The following WDR91 variants were observed in gnomAD, a reference collection of about 807,000 sequenced individuals.
The protein encoded by WDR91 is WD repeat domain 91.
In WDR91, 52 loss-of-function variants were observed where a neutral mutation model predicts 88.4. The ratio of observed to expected loss-of-function variants is 0.59; its 90% CI spans 0.47 to 0.74. The LOEUF is 0.74. Among genes scored for constraint, WDR91 ranks in the 30% least tolerant of loss-of-function variants. The probability of loss-of-function intolerance (pLI) is 0.00; values close to 1 mark genes in which losing one functional copy is unlikely to be tolerated. For synonymous variants in WDR91, 362 were observed against 389.5 expected, an observed-to-expected ratio of 0.93 and a Z score of 0.83; for missense variants, 824 against 954.5, an observed-to-expected ratio of 0.86 and a Z score of 1.80.
At chr7:135,205,057 G>A (rs1475575817) in intron 5 of WDR91, among the ~76,000 whole-genome samples, 3 of 152,158 alleles carry the variant, frequency 2.0e-5, no homozygotes, top group African/African-American at 4.8e-5. Flanking sequence ...GGTTTGCATC[G>A]TGACTCACCA....
chr7:135,192,793 C>A (rs1442450672), intron 11 of WDR91, among the ~76,000 whole-genome samples: 1 of 152,192 alleles, frequency 6.6e-6, no homozygotes, highest in East Asian at 1.9e-4. Context: ...GCAGCTGCAG[C>A]ATCTATTACT....
Position 135,204,314 on chromosome 7 carries a change from G to A in WDR91, c.845C>T (p.Pro282Leu). Residue 282 changes from proline (P) to leucine (L), a missense_variant, in exon 6 of 15, where the codon CCT (proline) becomes CTT (leucine). By Grantham distance (98) the Pro-to-Leu change is moderately conservative (BLOSUM62 -3). Coordinates refer to ENST00000354475, the MANE Select transcript of WDR91 (RefSeq NM_014149.4). ...SPSRLSPAQG[P>L]PQPQSSAKKE... The stretch of plus-strand genomic sequence containing the variant: ...CTTGGCCGAGCTCTGAGGTTGAGGA[G>A]GGCCCTGAGCAGGCGACAACCTTGA... 1 of 1,614,178 alleles carries A rather than the reference G, an allele frequency of 6.2e-7. No homozygotes were observed. Among genetic ancestry groups the A allele is most frequent in the East Asian group, 2.2e-5 (1 of 44,888 alleles).
intron 6 of WDR91, chr7:135,199,157 A>C (rs2117677737): frequency 6.6e-6 from 1 of 152,344 alleles, no homozygotes; most frequent in Non-Finnish European, 1.5e-5. Flanking sequence ...TTATGTCAAC[A>C]GTAAATAATT....
chr7:135,188,649 T>C (rs1831044835), intron 12 of WDR91, 104 bp from the exon 13 acceptor site: 3 of 1,041,132 alleles, frequency 2.9e-6, no homozygotes, highest in Non-Finnish European at 2.9e-6. Context: ...CTGACAGCTG[T>C]TCTGGAAGCC....
At position 135,205,927 on chromosome 7, in the gene WDR91, C is replaced by T. The variant is rs1412623199; in HGVS notation, c.725+1G>A. The T allele has an allele frequency of 1.9e-6, 3 of 1,613,134 alleles. No individual in the cohort carries two copies. The highest frequency in any genetic ancestry group is 1.3e-5 in the African/African-American group (1 of 74,904). On this transcript the variant is annotated splice_donor_variant, in intron 5 of 14. Coordinates refer to ENST00000354475, the MANE Select transcript of WDR91 (RefSeq NM_014149.4). LOFTEE classifies it high-confidence loss of function. ...AGGAAAGGGCCGTCACACACACTCA[C>T]AGTTCCGAGTCCCCCAGGCGGTCCA...
rs1270558832 is a variant in WDR91, at chr7:135,185,989, A to T, written c.*162T>A. ...ACCTACTCCACGTGGGTCCCATTCC[A>T]GTCACCACAGATGGAAGCACCTGAG... On this transcript the variant is annotated 3_prime_UTR_variant, in exon 15 of 15. Coordinates refer to ENST00000354475, the MANE Select transcript of WDR91 (RefSeq NM_014149.4). The T allele has an allele frequency of 2.6e-6, 2 of 763,182 alleles. No individual in the cohort carries two copies. Among genetic ancestry groups the T allele is most frequent in the African/African-American group, 3.7e-5 (2 of 54,340 alleles). 47.3% of individuals were successfully genotyped at this position (763,182 alleles called of 1,614,324 possible). A position where few individuals can be genotyped will look rare whatever the true frequency, so the allele number is the denominator to read the frequency against.
intron 4 of WDR91, among the ~76,000 whole-genome samples, chr7:135,206,726 T>C (rs1302881432): frequency 1.3e-5 from 2 of 151,438 alleles, no homozygotes. Context: ...TGTGTGTATA[T>C]ATAGTTTATA....
At position 135,188,450 on chromosome 7, in the gene WDR91, T is replaced by C. The variant is rs1831037043; in HGVS notation, c.1864A>G (p.Ile622Val). 3 of 1,613,986 alleles carry C rather than the reference T, an allele frequency of 1.9e-6. No individual in the cohort carries two copies. The highest frequency in any genetic ancestry group is 1.7e-5 in the Admixed American group (1 of 60,006). The change falls in exon 13 of 15, where the codon ATC (isoleucine) becomes GTC (valine). Residue 622 changes from isoleucine (I) to valine (V), a missense_variant. Physicochemically the swap from Ile to Val is conservative, Grantham distance 29. Transcript: ENST00000354475. ...FSYDENTVYS[I>V]GEDGKFIQWN... Reference sequence around the variant, plus strand: ...CCGCCTACCTTCCCGTCCTCGCCGATGCTGTACACGGTGTTCTCATCATAG... The same window carrying C: ...CCGCCTACCTTCCCGTCCTCGCCGACGCTGTACACGGTGTTCTCATCATAG...
Position 135,209,010 on chromosome 7 carries a change from CAA to C in WDR91, c.304-14_304-13del. 6.2e-7 allele frequency: 1 copy of C among 1,611,084 alleles called. No individual in the cohort carries two copies. Among genetic ancestry groups the C allele is most frequent in the Middle Eastern group, 1.7e-4 (1 of 6,050 alleles). Reference sequence around the variant, plus strand: ...TCATTTCTGTTTGTCTGCCAAGACACAAGGAGGTAGCAAGGAGGGAGGAGAGA... The same window carrying C: ...TCATTTCTGTTTGTCTGCCAAGACACGGAGGTAGCAAGGAGGGAGGAGAGA... On this transcript the variant is annotated splice_polypyrimidine_tract_variant and intron_variant, in intron 2 of 14. Coordinates refer to ENST00000354475, the MANE Select transcript of WDR91 (RefSeq NM_014149.4).
At chr7:135,186,370 T>C (rs895479670) in intron 14 of WDR91, 55 bp from the exon 15 acceptor site, 1 of 1,566,960 alleles carries the variant, frequency 6.4e-7, no homozygotes, top group African/African-American at 1.4e-5. Flanking sequence ...TTACACACAC[T>C]TGATCCACTT....
chr7:135,186,372 G>C, intron 14 of WDR91, 57 bp from the exon 15 acceptor site: 1 of 1,565,112 alleles, frequency 6.4e-7, no homozygotes. Context: ...ACACACACTT[G>C]ATCCACTTTC....
intron 14 of WDR91, 111 bp downstream of exon 14, chr7:135,186,861 G>A: frequency 7.8e-7 from 1 of 1,289,650 alleles, no homozygotes; most frequent in Non-Finnish European, 1.1e-6. Flanking sequence ...CATCTCCACA[G>A]CCATGCAGCT....
chr7:135,208,390 A>G (rs1204655995), intron 3 of WDR91, among the ~76,000 whole-genome samples: 8 of 152,208 alleles, frequency 5.3e-5, no homozygotes, highest in African/African-American at 1.7e-4. Flanking sequence ...CAACCCAAGA[A>G]GTCTTCTCAT....
chr7:135,192,008 A>C (rs1009380252), intron 11 of WDR91, among the ~76,000 whole-genome samples: 1 of 152,130 alleles, frequency 6.6e-6, no homozygotes, highest in Non-Finnish European at 1.5e-5. Context: ...AATGCAGAGA[A>C]GTGGTCAGAC....
rs1459434101 is a variant in WDR91, at chr7:135,193,715, T to G, written c.1396-43A>C. On this transcript the variant is annotated intron_variant, in intron 9 of 14. Coordinates refer to ENST00000354475, the MANE Select transcript of WDR91 (RefSeq NM_014149.4). ...GGGAGGTGGGAAGGATAGCATGGAG[T>G]GAGGCTGAGTCAGGGAGGATCTCCA... is the stretch of plus-strand genomic sequence containing the variant. 1.9e-6 allele frequency: 3 copies of G among 1,566,492 alleles called. No individual in the cohort carries two copies. The Admixed American group carries it at 5.2e-5, about 27-fold the overall frequency.
Position 135,211,443 on chromosome 7 carries a change from C to T in WDR91, c.60G>A (p.Gly20=), listed in dbSNP as rs757038856. ...CCAGCTGCCGCAGTGTGTGCGTGAACCCGCGGAAGAGCAGGTACTCCCGGA... is the reference window on the plus strand; with the variant it reads ...CCAGCTGCCGCAGTGTGTGCGTGAATCCGCGGAAGAGCAGGTACTCCCGGA... The part of the protein sequence containing the change: ...ELVREYLLFR[G]FTHTLRQLDA... The change falls in exon 1 of 15, where the codon GGG becomes GGA. Residue 20 remains glycine, a synonymous_variant. Coordinates refer to ENST00000354475, the MANE Select transcript of WDR91 (RefSeq NM_014149.4). 1.2e-6 allele frequency: 2 copies of T among 1,612,542 alleles called. No homozygotes were observed. Among genetic ancestry groups the T allele is most frequent in the African/African-American group, 1.3e-5 (1 of 74,858 alleles).
chr7:135,190,001 C>A (rs1337763232), intron 11 of WDR91, among the ~76,000 whole-genome samples: 1 of 152,074 alleles, frequency 6.6e-6, no homozygotes, highest in African/African-American at 2.4e-5. Flanking sequence ...ATTAAAAATG[C>A]AAGATAGAAT....
intron 9 of WDR91, 47 bp downstream of exon 9, chr7:135,194,887 C>T: frequency 6.2e-7 from 1 of 1,605,820 alleles, no homozygotes. Flanking sequence ...CTGGGGAATT[C>T]CTCCACTGAG....
rs1166070881 is a variant in WDR91 at position 135,208,857 on chromosome 7, G to A, written c.445C>T (p.Arg149Ter). 12 of 1,614,028 alleles carry A rather than the reference G, an allele frequency of 7.4e-6. No individual in the cohort carries two copies. The highest frequency in any genetic ancestry group is 4.4e-5 in the South Asian group (4 of 91,082). Residue 149 changes from arginine (R) to a stop codon, truncating the protein, a stop_gained, in exon 3 of 15, where the codon CGA becomes TGA. Coordinates refer to ENST00000354475, the MANE Select transcript of WDR91 (RefSeq NM_014149.4). LOFTEE classifies it high-confidence loss of function. ...TNPTFATYFS[R>*]QWADTFIVSL... ...ACAATGAAGGTGTCAGCCCACTGTC[G>A]AGAAAAGTAGGTAGCAAAGGTGGGG...
Sources: allele counts gnomAD v4.1 joint callset (sites outside exome capture counted in the v4.1 genomes callset), GRCh38; gene constraint gnomAD v4.1.1; transcripts MANE v1.5; gene names NCBI Gene and HGNC (gene_info 2026-07-23, HGNC 2026-07-21).